The following EMSY variants were observed in gnomAD, a reference collection of about 807,000 sequenced individuals.
EMSY encodes EMSY transcriptional repressor, BRCA2 interacting.
EMSY carries 26 observed loss-of-function variants against 134.6 expected under a neutral mutation model. The observed-to-expected ratio is 0.19, with a 90% CI of 0.14 to 0.27. The LOEUF is 0.27. Among genes scored for constraint, EMSY ranks in the 10% least tolerant of loss-of-function variants. EMSY has a pLI of 1.00. For synonymous variants in EMSY, 579 were observed against 577.8 expected, an observed-to-expected ratio of 1.00 and a Z score of -0.03; for missense variants, 1,305 against 1,611.4, an observed-to-expected ratio of 0.81 and a Z score of 3.26.
At chr11:76,476,052 G>C (rs1379798796) in intron 8 of EMSY, among the ~76,000 whole-genome samples, 3 of 152,202 alleles carry the variant, frequency 2.0e-5, no homozygotes, top group African/African-American at 7.2e-5. Flanking sequence ...ATTTTTCTGA[G>C]AGTTTCCCAT....
rs774872728 is a variant in EMSY at position 76,526,649 on chromosome 11, TATG to T, written c.1995+20_1995+22del. On this transcript the variant is annotated intron_variant, in intron 13 of 20. Coordinates refer to ENST00000334736, the Ensembl canonical transcript of EMSY. ...GGGAAAACGCAGGTATGCTATAAGA[TATG>T]ATGATTTTTCTTGGCTCTTAAATAT... The T allele has an allele frequency of 5.7e-6, 9 of 1,576,454 alleles. No individual in the cohort carries two copies. The East Asian group carries it at 2.0e-4, about 36-fold the overall frequency.
intron 14 of EMSY, among the ~76,000 whole-genome samples, 168 bp from the exon 16 acceptor site, chr11:76,535,727 T>C (rs1339232571): frequency 6.6e-6 from 1 of 152,104 alleles, no homozygotes; most frequent in Non-Finnish European, 1.5e-5. Flanking sequence ...AATTCAGAAG[T>C]GAAAGACATT....
chr11:76,531,989 A>G (rs1370774739), intron 14 of EMSY, among the ~76,000 whole-genome samples: 2 of 152,118 alleles, frequency 1.3e-5, no homozygotes, highest in Non-Finnish European at 2.9e-5. Context: ...AGGCTAGAAT[A>G]TCATCACCCT....
At chr11:76,523,016 C>G in intron 11 of EMSY, 139 bp from the exon 13 acceptor site, 1 of 803,994 alleles carries the variant, frequency 1.2e-6, no homozygotes. Context: ...TCCAAGCCTT[C>G]ATTTTCATCA....
At chr11:76,479,728 C>A (rs182091481) in intron 8 of EMSY, among the ~76,000 whole-genome samples, 19 of 152,240 alleles carry the variant, frequency 1.2e-4, no homozygotes, top group South Asian at 4.1e-4. Context: ...GAATGACTAC[C>A]GTATATGACC....
At chr11:76,516,345 G>A (rs2136169464) in intron 11 of EMSY, 33 bp downstream of exon 12, 1 of 1,471,614 alleles carries the variant, frequency 6.8e-7, no homozygotes, top group Non-Finnish European at 9.2e-7. Flanking sequence ...AAAGGTATAG[G>A]TGGCCTTCAT....
At chr11:76,469,437 C>T (rs577531729) in intron 7 of EMSY, among the ~76,000 whole-genome samples, 39 of 152,176 alleles carry the variant, frequency 2.6e-4, no homozygotes, top group African/African-American at 9.2e-4. Context: ...TCTTTGGATT[C>T]TCAGAGGTAT....
chr11:76,552,134 G>A (rs897813907), downstream of EMSY: 2 of 152,072 alleles, frequency 1.3e-5, no homozygotes, highest in African/African-American at 4.8e-5. Flanking sequence ...TCTTTTAAAG[G>A]TGTTAATTCC....
Position 76,545,954 on chromosome 11 carries a change from C to CAGCA in EMSY, c.3432_3435dup (p.Val1146SerfsTer4), listed in dbSNP as rs1393991120. The stretch of plus-strand genomic sequence containing the variant: ...TCTCCCATTCAGGCCTCTGAGAAGA[C>CAGCA]AGCAGTGTCTGACATTTTGAAAATG... On this transcript the variant is annotated frameshift_variant, in exon 20 of 21. Coordinates refer to ENST00000334736, the Ensembl canonical transcript of EMSY. LOFTEE classifies it high-confidence loss of function. The CAGCA allele has an allele frequency of 6.2e-7, 1 of 1,614,040 alleles. No homozygotes were observed. Among genetic ancestry groups the CAGCA allele is most frequent in the African/African-American group, 1.3e-5 (1 of 74,940 alleles).
At chr11:76,528,551 C>A in intron 14 of EMSY, 85 bp downstream of exon 15, 9 of 855,896 alleles carry the variant, frequency 1.1e-5, no homozygotes, top group Non-Finnish European at 1.6e-5. Context: ...CTACACATTT[C>A]ACAACAAATT....
intron 7 of EMSY, among the ~76,000 whole-genome samples, chr11:76,466,138 ATTTC>A (rs1451086083): frequency 1.3e-5 from 2 of 152,108 alleles, no homozygotes; most frequent in Non-Finnish European, 2.9e-5. Flanking sequence ...ATGTCATTAG[ATTTC>A]TTTGTCAATC....
intron 9 of EMSY, among the ~76,000 whole-genome samples, chr11:76,512,710 A>T: frequency 6.6e-6 from 1 of 150,780 alleles, no homozygotes; most frequent in Admixed American, 6.6e-5. Flanking sequence ...ATAAAGAAAA[A>T]TTTAGAAAAT....
chr11:76,551,589 G>C (rs1951837786), downstream of EMSY: 1 of 152,530 alleles, frequency 6.6e-6, no homozygotes, highest in Non-Finnish European at 1.5e-5. Context: ...GCTGATCTCT[G>C]GTGGTTGTCA....
intron 9 of EMSY, among the ~76,000 whole-genome samples, chr11:76,507,029 C>T (rs1035224797): frequency 2.0e-5 from 3 of 152,182 alleles, no homozygotes; most frequent in African/African-American, 7.2e-5. Context: ...AAGTGAATAT[C>T]ACAACAGAGG....
chr11:76,491,069 C>T (rs1949401807), intron 8 of EMSY, among the ~76,000 whole-genome samples: 1 of 152,068 alleles, frequency 6.6e-6, no homozygotes, highest in Admixed American at 6.6e-5. Flanking sequence ...TTGCTCCTCC[C>T]CTATGCTGTT....
At chr11:76,462,446 A>G (rs572293079) in intron 6 of EMSY, among the ~76,000 whole-genome samples, 151 of 152,360 alleles carry the variant, frequency 9.9e-4, no homozygotes, top group African/African-American at 3.5e-3. Context: ...CAAACCAATA[A>G]GACTTAGTCA....
At chr11:76,463,953 T>C in exon 7 of EMSY, 1 of 1,614,178 alleles carries the variant, frequency 6.2e-7, no homozygotes, top group South Asian at 1.1e-5. Context: ...ACTGTGCCTG[T>C]GAGTGGTAGT....
intron 7 of EMSY, 46 bp from the exon 9 acceptor site, chr11:76,472,518 A>C (rs748087695): frequency 6.6e-7 from 1 of 1,524,238 alleles, no homozygotes. Flanking sequence ...TAGATACATT[A>C]GTAGTTTAGT....
chr11:76,465,583 T>G (rs1462198887), intron 7 of EMSY, among the ~76,000 whole-genome samples: 1 of 151,992 alleles, frequency 6.6e-6, no homozygotes, highest in African/African-American at 2.4e-5. Flanking sequence ...TAGTAACTCT[T>G]TTTCTCTCAA....
Sources: gnomAD v4.1 joint callset for allele counts (sites outside exome capture counted in the v4.1 genomes callset) on GRCh38, gnomAD v4.1.1 for gene constraint, MANE v1.5 for transcripts, NCBI Gene and HGNC (gene_info 2026-07-23, HGNC 2026-07-21) for gene names.